The following COL28A1 variants were observed in gnomAD, a reference collection of about 807,000 sequenced individuals.
COL28A1 encodes collagen type XXVIII alpha 1 chain.
Under a neutral mutation model 150.2 loss-of-function variants are expected in COL28A1, and 161 were observed. The observed-to-expected ratio is 1.07, with a 90% CI of 0.94 to 1.22. COL28A1 has a LOEUF of 1.22. Ranked by LOEUF, COL28A1 falls within the 50% of genes most tolerant of loss-of-function variation. The probability of loss-of-function intolerance (pLI) is 0.00; values close to 1 mark genes in which losing one functional copy is unlikely to be tolerated. For synonymous variants in COL28A1, 552 were observed against 469.7 expected (o/e 1.18, Z -2.26); for missense variants, 1,617 against 1,388.3 (o/e 1.16, Z -2.62).
At position 7,477,188 on chromosome 7, in the gene COL28A1, G is replaced by C; in HGVS notation, c.1165-8C>G. The C allele has an allele frequency of 9.2e-7, 1 of 1,089,520 alleles. No homozygotes were observed. Among genetic ancestry groups the C allele is most frequent in the Non-Finnish European group, 1.4e-6 (1 of 700,156 alleles). The allele number at this position is 1,089,520 out of a possible 1,614,324, so 67.5% of individuals were successfully genotyped here. A position where few individuals can be genotyped will look rare whatever the true frequency, so the allele number is the denominator to read the frequency against. On this transcript the variant is annotated splice_region_variant and splice_polypyrimidine_tract_variant and intron_variant, in intron 13 of 34. Transcript: ENST00000399429. ...CTCAGGACCACGGGGACCCTGGTTA[G>C]GATAGGAGAAAATGAGGAGCAGGAG...
At chr7:7,519,993 A>AT in intron 6 of COL28A1, 69 bp downstream of exon 6, 1 of 806,874 alleles carries the variant, frequency 1.2e-6, no homozygotes, top group Non-Finnish European at 2.1e-6. Context: ...TATTTTTAAA[A>AT]TTGTTGTTTT....
At chr7:7,354,070 G>A (rs1227908708), downstream of COL28A1, among the ~76,000 whole-genome samples, 1 of 151,626 alleles carries the variant, frequency 6.6e-6, no homozygotes, top group Admixed American at 6.6e-5. Flanking sequence ...CACTCTGACT[G>A]CAACCTTGAC....
At chr7:7,405,337 C>T (rs1402911155) in intron 27 of COL28A1, among the ~76,000 whole-genome samples, 1 of 152,066 alleles carries the variant, frequency 6.6e-6, no homozygotes, top group Non-Finnish European at 1.5e-5. Context: ...AAAATCACCA[C>T]AGTATGGTAA....
upstream of COL28A1, among the ~76,000 whole-genome samples, chr7:7,536,206 A>G (rs1782631092): frequency 6.6e-6 from 1 of 152,182 alleles, no homozygotes; most frequent in Non-Finnish European, 1.5e-5. Flanking sequence ...CCAGACTCAG[A>G]ATCAAAGCTG....
rs528585858 is a variant in COL28A1, at chr7:7,373,760, G to A, written c.2360-214C>T. Among the ~76,000 whole-genome samples, 18 of 150,706 alleles carry A rather than the reference G, an allele frequency of 1.2e-4. 1 individual carries two copies. The South Asian group carries it at 1.5e-3, about 12-fold the overall frequency. ...GTCGCCCAGGTTGGAGTGCAGTGGCGCGATCTCGGCTCACTGCAGGCTCCG... is the reference window on the plus strand; with the variant it reads ...GTCGCCCAGGTTGGAGTGCAGTGGCACGATCTCGGCTCACTGCAGGCTCCG... On this transcript the variant is annotated intron_variant, in intron 31 of 34. Coordinates refer to ENST00000399429, the MANE Select transcript of COL28A1 (RefSeq NM_001037763.3). The surrounding 1 kb of genome is among the most constrained non-coding windows in gnomAD (Gnocchi z 4.1).
chr7:7,414,972 C>T (rs1783985814), intron 27 of COL28A1, among the ~76,000 whole-genome samples: 1 of 152,198 alleles, frequency 6.6e-6, no homozygotes, highest in African/African-American at 2.4e-5. Context: ...TTACTCACTA[C>T]TTTATACTAG....
At chr7:7,350,254 G>A in the COL28A1 span, among the ~76,000 whole-genome samples, 1 of 152,108 alleles carries the variant, frequency 6.6e-6, no homozygotes, top group African/African-American at 2.4e-5. Flanking sequence ...TATGAGGAGT[G>A]AGGGAGATGA....
chr7:7,498,930 A>G (rs76909382), intron 11 of COL28A1, among the ~76,000 whole-genome samples: 17,672 of 152,146 alleles, frequency 0.12, 1,088 homozygotes, highest in Middle Eastern at 0.22. Flanking sequence ...ACACACACAG[A>G]GTATATATAC....
chr7:7,429,427 CACATACACACACACTCTCTT>C (rs147260074), intron 25 of COL28A1, among the ~76,000 whole-genome samples: 9,326 of 113,746 alleles, frequency 0.082, 728 homozygotes, highest in African/African-American at 0.27. Flanking sequence ...CTCTCTCTCT[CACATACACACACACTCTCTT>C]TCTCTCTGTG....
At chr7:7,372,449 T>C (rs1438664414) in intron 32 of COL28A1, among the ~76,000 whole-genome samples, 1 of 145,484 alleles carries the variant, frequency 6.9e-6, no homozygotes, top group Non-Finnish European at 1.5e-5. Context: ...AAATGGTTGT[T>C]CTTTTGAGAT....
chr7:7,530,046 T>C (rs1194336183), intron 3 of COL28A1, among the ~76,000 whole-genome samples: 1 of 152,194 alleles, frequency 6.6e-6, no homozygotes, highest in Non-Finnish European at 1.5e-5. Flanking sequence ...GGAGGAGGGC[T>C]GCTACCAAAC....
intron 12 of COL28A1, 53 bp downstream of exon 12, chr7:7,490,525 G>T: frequency 1.2e-6 from 1 of 831,392 alleles, no homozygotes; most frequent in Non-Finnish European, 2.1e-6. Context: ...GCTCCCCCAG[G>T]CCCTACAATA....
intron 28 of COL28A1, 149 bp from the exon 29 acceptor site, chr7:7,381,011 G>A (rs978836766): frequency 3.0e-5 from 20 of 655,962 alleles, no homozygotes; most frequent in Non-Finnish European, 5.0e-5. Context: ...AAAAAATTGG[G>A]GGTAACTTAT....
chr7:7,344,330 C>G, the COL28A1 span, among the ~76,000 whole-genome samples: 1 of 151,948 alleles, frequency 6.6e-6, no homozygotes, highest in Non-Finnish European at 1.5e-5. Flanking sequence ...TTTCCTGCCT[C>G]CTTTTGTATT....
At chr7:7,454,036 C>A (rs979174512) in intron 16 of COL28A1, among the ~76,000 whole-genome samples, 6 of 152,146 alleles carry the variant, frequency 3.9e-5, no homozygotes, top group Non-Finnish European at 8.8e-5. Context: ...AAACACTTGA[C>A]TCCCTCCTTC....
At chr7:7,417,540 G>T (rs1362390101) in intron 27 of COL28A1, 1 of 38,102 alleles carries the variant, frequency 2.6e-5, no homozygotes, top group Non-Finnish European at 4.2e-5. Context: ...GAGGGAGGGA[G>T]GGGGGGGGGA....
chr7:7,538,113 G>A (rs555632713), upstream of COL28A1, among the ~76,000 whole-genome samples: 3 of 152,230 alleles, frequency 2.0e-5, 1 homozygote, highest in African/African-American at 7.2e-5. Flanking sequence ...TCTCAAGCGT[G>A]AAAATCAGCA....
At chr7:7,513,766 T>C (rs767057508) in intron 8 of COL28A1, among the ~76,000 whole-genome samples, 12 of 152,248 alleles carry the variant, frequency 7.9e-5, no homozygotes, top group Non-Finnish European at 1.5e-4. Flanking sequence ...TTGTTAGCTA[T>C]AGGGGCCTGA....
Position 7,358,379 on chromosome 7 carries a change from T to C in COL28A1, c.*254A>G, listed in dbSNP as rs918365810. The C allele has an allele frequency of 1.3e-5, 5 of 378,154 alleles. No homozygotes were observed. Among genetic ancestry groups the C allele is most frequent in the Non-Finnish European group, 1.4e-5 (3 of 209,792 alleles). The allele number at this position is 378,154 out of a possible 1,614,324, so 23.4% of individuals were successfully genotyped here. A position where few individuals can be genotyped will look rare whatever the true frequency, so the allele number is the denominator to read the frequency against. Reference sequence around the variant, plus strand: ...TGTATTGAAGTTACACAGCTCTAAGTCTAAATCCTCAGCTCTGAAACTTTT... The same window carrying C: ...TGTATTGAAGTTACACAGCTCTAAGCCTAAATCCTCAGCTCTGAAACTTTT... On this transcript the variant is annotated 3_prime_UTR_variant, in exon 35 of 35. Coordinates refer to ENST00000399429, the MANE Select transcript of COL28A1 (RefSeq NM_001037763.3).
Sources: allele counts gnomAD v4.1 joint callset (sites outside exome capture counted in the v4.1 genomes callset), GRCh38; gene constraint gnomAD v4.1.1; non-coding constraint Gnocchi (gnomAD v3.1); transcripts MANE v1.5; gene names NCBI Gene and HGNC (gene_info 2026-07-23, HGNC 2026-07-21).